EPSTI1: variants seen among roughly 807,000 people sequenced by gnomAD.
EPSTI1 encodes epithelial-stromal interaction protein 1.
In EPSTI1, 66 loss-of-function variants were observed where a neutral mutation model predicts 49.9. The observed-to-expected ratio is 1.32, with a 90% CI of 1.08 to 1.62. The LOEUF (loss-of-function observed/expected upper bound fraction) is 1.62. EPSTI1 is among the 40% of genes most tolerant of loss of function. The pLI is 0.00. For missense variants in EPSTI1, 394 were observed against 365.5 expected (o/e 1.08, Z -0.64); for synonymous variants, 137 against 130.7 (o/e 1.05, Z -0.33).
chr13:42,936,962 T>C (rs2038584520), intron 6 of EPSTI1, among the ~76,000 whole-genome samples: 2 of 152,190 alleles, frequency 1.3e-5, no homozygotes, highest in African/African-American at 2.4e-5. Flanking sequence ...TCTTCCTCCT[T>C]CTTCATCCCC....
intron 1 of EPSTI1, among the ~76,000 whole-genome samples, chr13:42,986,744 C>CAAAAA (rs71099813): frequency 9.9e-5 from 8 of 80,806 alleles, no homozygotes; most frequent in African/African-American, 4.4e-4. Context: ...GATTCCATCT[C>CAAAAA]AAAAAAAAAA....
intron 6 of EPSTI1, among the ~76,000 whole-genome samples, chr13:42,943,863 T>A (rs1157147541): frequency 6.6e-6 from 1 of 152,108 alleles, no homozygotes; most frequent in Non-Finnish European, 1.5e-5. Flanking sequence ...GCAAAGCATA[T>A]GAACAGACAC....
At chr13:42,893,514 A>C (rs1313030218) in intron 10 of EPSTI1, among the ~76,000 whole-genome samples, 1 of 152,182 alleles carries the variant, frequency 6.6e-6, no homozygotes, top group Non-Finnish European at 1.5e-5. Flanking sequence ...AATTTCACCC[A>C]ATCAGCCTCA....
chr13:42,991,295 T>C (rs1301371903), intron 1 of EPSTI1: 1 of 152,536 alleles, frequency 6.6e-6, no homozygotes, highest in Admixed American at 6.5e-5. Flanking sequence ...TTTTCTGTTT[T>C]GTTTTGTTTT....
At chr13:42,974,219 C>CCAGCTA (rs932099128) in intron 1 of EPSTI1, among the ~76,000 whole-genome samples, 1 of 151,900 alleles carries the variant, frequency 6.6e-6, no homozygotes, top group Admixed American at 6.6e-5. Flanking sequence ...GCCTGTAATC[C>CCAGCTA]CAGCTACTCG....
rs1163918470 is a variant in EPSTI1 at position 42,888,325 on chromosome 13, A to G, written c.*169T>C. Reference sequence around the variant, plus strand: ...CAGGAATCAGCTCCTCCAAACATGCATAAATGAGGACAAGGAGAAGCCAGT... The same window carrying G: ...CAGGAATCAGCTCCTCCAAACATGCGTAAATGAGGACAAGGAGAAGCCAGT... On this transcript the variant is annotated 3_prime_UTR_variant, in exon 11 of 11. Transcript: ENST00000313624. 2 of 1,614,180 alleles carry G rather than the reference A, an allele frequency of 1.2e-6. No homozygotes were observed. Among genetic ancestry groups the G allele is most frequent in the Admixed American group, 1.7e-5 (1 of 60,028 alleles).
At chr13:42,944,484 A>T (rs1010106929) in intron 6 of EPSTI1, among the ~76,000 whole-genome samples, 5 of 152,006 alleles carry the variant, frequency 3.3e-5, no homozygotes, top group African/African-American at 1.2e-4. Flanking sequence ...ACACATGGAC[A>T]CAGGGAGGGG....
intron 10 of EPSTI1, among the ~76,000 whole-genome samples, chr13:42,891,149 T>G (rs995875884): frequency 3.3e-5 from 5 of 152,382 alleles, no homozygotes; most frequent in East Asian, 3.8e-4. Context: ...CAAAATCTTG[T>G]GATTGTTTTG....
At chr13:42,977,000 T>C (rs2039894407) in intron 1 of EPSTI1, among the ~76,000 whole-genome samples, 1 of 152,246 alleles carries the variant, frequency 6.6e-6, no homozygotes, top group Non-Finnish European at 1.5e-5. Context: ...TAGTATTTCA[T>C]GATATTGGTG....
intron 10 of EPSTI1, chr13:42,889,288 TGAA>T (rs1185954590): frequency 1.6e-5 from 19 of 1,169,896 alleles, no homozygotes; most frequent in Non-Finnish European, 1.9e-5. Context: ...AAGCAATTAT[TGAA>T]GAATAAATGT....
In EPSTI1 at chr13:42,969,134, C is replaced by T; in HGVS notation, c.291G>A (p.Gln97=). 1 of 1,614,152 alleles carries T rather than the reference C, an allele frequency of 6.2e-7. No homozygotes were observed. The highest frequency in any genetic ancestry group is 8.5e-7 in the Non-Finnish European group (1 of 1,180,024). ...ELANLEKWKE[Q]NRAKPVHLVP... is the part of the protein sequence containing the mutation. ...CCAGGTGAACCGGTTTAGCTCTGTT[C>T]TGCTCCTTCCACTTCTCCAGGTTGG... Residue 97 remains glutamine (Q), a synonymous_variant, in exon 3 of 11, where the codon CAG becomes CAA. Transcript: ENST00000313624.
rs1437418346 is a variant in EPSTI1, at chr13:42,895,192, C to A, written c.816-84G>T. On this transcript the variant is annotated intron_variant, in intron 9 of 10. Coordinates refer to ENST00000313624, the MANE Select transcript of EPSTI1 (RefSeq NM_033255.5). ...CTGAGAATCTAATGTGTTGTATGAA[C>A]TGACCATGGGGATAGCTTCCTGGCT... 8 of 1,056,486 alleles carry A rather than the reference C, an allele frequency of 7.6e-6. No individual in the cohort carries two copies. The East Asian group carries it at 2.1e-4, about 27-fold the overall frequency. The allele number at this position is 1,056,486 out of a possible 1,614,324, so 65.4% of individuals were successfully genotyped here. A position where few individuals can be genotyped will look rare whatever the true frequency, so the allele number is the denominator to read the frequency against.
intron 6 of EPSTI1, among the ~76,000 whole-genome samples, chr13:42,935,734 G>T (rs1015483744): frequency 6.6e-6 from 1 of 152,076 alleles, no homozygotes; most frequent in Non-Finnish European, 1.5e-5. Flanking sequence ...TGGGATTACA[G>T]GCACCTGCCA....
At position 42,922,127 on chromosome 13, in the gene EPSTI1, A is replaced by G. The variant is rs566785478; in HGVS notation, c.657+4209T>C. Reference sequence around the variant, plus strand: ...GCTCAAATTACTGAATAATTATAAGAATGAGAGGAAGAAATGAGTTAATAA... The same window carrying G: ...GCTCAAATTACTGAATAATTATAAGGATGAGAGGAAGAAATGAGTTAATAA... On this transcript the variant is annotated intron_variant, in intron 7 of 10. Transcript: ENST00000313624. The surrounding 1 kb of genome is among the most constrained non-coding windows in gnomAD (Gnocchi z 4.8). Among the ~76,000 whole-genome samples the G allele has an allele frequency of 5.3e-5, 8 of 152,318 alleles. No individual in the cohort carries two copies. The highest frequency in any genetic ancestry group is 1.9e-4 in the African/African-American group (8 of 41,568).
chr13:42,919,366 C>T (rs1248001595), intron 7 of EPSTI1: 11 of 1,603,484 alleles, frequency 6.9e-6, no homozygotes, highest in East Asian at 2.2e-5. Flanking sequence ...ATAAATTGAT[C>T]ACTATTTTTC....
chr13:42,926,950 C>T (rs373442736), intron 6 of EPSTI1, among the ~76,000 whole-genome samples: 2 of 151,514 alleles, frequency 1.3e-5, no homozygotes, highest in African/African-American at 4.8e-5. Flanking sequence ...TCATGGAGCC[C>T]TTTTGGACTC....
chr13:42,965,031 C>T (rs1203191138), intron 3 of EPSTI1, among the ~76,000 whole-genome samples: 1 of 152,156 alleles, frequency 6.6e-6, no homozygotes, highest in Non-Finnish European at 1.5e-5. Context: ...AGGGACTTTT[C>T]TTCTGAGATC....
chr13:42,909,163 T>G (rs7999393), intron 8 of EPSTI1, among the ~76,000 whole-genome samples: 24,288 of 151,900 alleles, frequency 0.16, 2,071 homozygotes, highest in African/African-American at 0.22. Flanking sequence ...AACATGCAAA[T>G]GGCCAACAGG....
chr13:42,984,437 A>G (rs1361178928), intron 1 of EPSTI1, among the ~76,000 whole-genome samples: 1 of 152,244 alleles, frequency 6.6e-6, no homozygotes, highest in Non-Finnish European at 1.5e-5. Context: ...ACTTCATTTC[A>G]GAATATTTTA....
Sources: gnomAD v4.1 joint callset for allele counts (sites outside exome capture counted in the v4.1 genomes callset) on GRCh38, gnomAD v4.1.1 for gene constraint, Gnocchi (gnomAD v3.1) non-coding constraint, MANE v1.5 for transcripts, NCBI Gene and HGNC (gene_info 2026-07-23, HGNC 2026-07-21) for gene names.